CCNL2: variants seen among roughly 807,000 people sequenced by gnomAD.
The protein encoded by CCNL2 is cyclin-L2.
CCNL2 carries 28 observed loss-of-function variants against 59.1 expected under a neutral mutation model. That is an observed-to-expected ratio of 0.47 (90% CI 0.35 to 0.65). The LOEUF is 0.65. CCNL2 is among the 30% of genes least tolerant of loss of function. CCNL2 has a pLI of 0.00. For missense variants in CCNL2, 714 were observed against 717.4 expected (o/e 1.00, Z 0.05); for synonymous variants, 342 against 288.6 (o/e 1.19, Z -1.88).
At chr1:1,396,241 C>A (rs1645014133) in intron 3 of CCNL2, among the ~76,000 whole-genome samples, 1 of 151,530 alleles carries the variant, frequency 6.6e-6, no homozygotes, top group Admixed American at 6.6e-5. Context: ...ACCTGTAACC[C>A]CAGCACTTTG....
rs1644523255 is a variant in CCNL2, at chr1:1,387,585, G to A, written c.1212-3C>T. ...ATGTGGAGCCGCTGTCACTTTTCCT[G>A]GGAGGAAGAACAGCACCACCACACG... is the stretch of plus-strand genomic sequence containing the variant. On this transcript the variant is annotated splice_polypyrimidine_tract_variant and splice_region_variant and intron_variant, in intron 10 of 10. Transcript: ENST00000400809. The A allele has an allele frequency of 6.7e-7, 1 of 1,481,826 alleles. No homozygotes were observed. Among genetic ancestry groups the A allele is most frequent in the Non-Finnish European group, 9.0e-7 (1 of 1,114,866 alleles). The allele number at this position is 1,481,826 out of a possible 1,614,324, so 91.8% of individuals were successfully genotyped here. A position where few individuals can be genotyped will look rare whatever the true frequency, so the allele number is the denominator to read the frequency against.
At chr1:1,395,362 G>A in intron 4 of CCNL2, 32 bp downstream of exon 4, 2 of 1,612,204 alleles carry the variant, frequency 1.2e-6, no homozygotes, top group Admixed American at 1.7e-5. Context: ...AGCGGCCTAG[G>A]CGGGCTCGCA....
In CCNL2 at chr1:1,388,144, G is replaced by T. The variant is rs530177506; in HGVS notation, c.1007-79C>A. The T allele has an allele frequency of 3.4e-6, 4 of 1,168,792 alleles. No homozygotes were observed. The African/African-American group carries it at 6.0e-5, about 18-fold the overall frequency. The allele number at this position is 1,168,792 out of a possible 1,614,324, so 72.4% of individuals were successfully genotyped here. On this transcript the variant is annotated intron_variant, in intron 8 of 10. Coordinates refer to ENST00000400809, the MANE Select transcript of CCNL2 (RefSeq NM_030937.6). ...AAACAAGTTCGTAGAGCGAGATAAG[G>T]CCCCTCTACAGGTCAAACAGCGACG...
intron 5 of CCNL2, chr1:1,392,829 A>G: frequency 6.2e-7 from 1 of 1,610,780 alleles, no homozygotes; most frequent in Non-Finnish European, 8.5e-7. Context: ...TACAGAAAAG[A>G]AAAGTCAAAA....
At chr1:1,396,175 T>C (rs1214794622) in intron 3 of CCNL2, among the ~76,000 whole-genome samples, 1 of 108,484 alleles carries the variant, frequency 9.2e-6, no homozygotes, top group Non-Finnish European at 1.7e-5. Flanking sequence ...TGAGACACAG[T>C]GAGAGTCCGT....
intron 5 of CCNL2, chr1:1,393,129 T>G (rs932711670): frequency 3.4e-6 from 2 of 583,034 alleles, no homozygotes; most frequent in African/African-American, 3.7e-5. Flanking sequence ...AGTCAACAGC[T>G]CCCAGAGGAA....
At chr1:1,398,076 A>AG (rs1221808203) in intron 3 of CCNL2, among the ~76,000 whole-genome samples, 157 bp downstream of exon 3, 2 of 152,230 alleles carry the variant, frequency 1.3e-5, no homozygotes, top group African/African-American at 4.8e-5. Flanking sequence ...GATGCCTCTG[A>AG]GCAGGCTCTG....
chr1:1,392,529 G>A (rs1330157156), intron 5 of CCNL2: 5 of 1,357,752 alleles, frequency 3.7e-6, no homozygotes, highest in Non-Finnish European at 4.7e-6. Context: ...TTATCATACA[G>A]GTACAGCAGT....
rs1418875236 is a variant in CCNL2, at chr1:1,398,667, G to A, written c.293C>T (p.Ala98Val). Reference protein sequence around the residue: ...AGILLRLPQVAMATGQVLFQR... With the variant: ...AGILLRLPQVVMATGQVLFQR... ...GAACAACACCTGCCCGGTAGCCATG[G>A]CCACCTAGAGTAGAAGAAAGTTTCC... The change falls in exon 2 of 11, where the codon GCC becomes GTC. Residue 98 changes from alanine (A) to valine (V), a missense_variant. By Grantham distance (64) the Ala-to-Val change is moderately conservative (BLOSUM62 0). This residue lies in a region of CCNL2 where 270 missense variants were observed against 254.9 expected (regional missense o/e 1.06). Coordinates refer to ENST00000400809, the MANE Select transcript of CCNL2 (RefSeq NM_030937.6). The A allele has an allele frequency of 1.2e-6, 2 of 1,612,884 alleles. No individual in the cohort carries two copies. The highest frequency in any genetic ancestry group is 1.7e-6 in the Non-Finnish European group (2 of 1,179,610).
rs534775954 is a variant in CCNL2, at chr1:1,387,286, C to T, written c.1508G>A (p.Arg503His). The T allele has an allele frequency of 1.9e-5, 30 of 1,612,812 alleles. No individual in the cohort carries two copies. The East Asian group carries it at 4.9e-4, about 26-fold the overall frequency. Reference sequence around the variant, plus strand: ...GTCCCGCTCATAGCGACGGCCTGTGCGTTCATACGACCTCGAGCGCTCTCG... The same window carrying T: ...GTCCCGCTCATAGCGACGGCCTGTGTGTTCATACGACCTCGAGCGCTCTCG... ...QRRERSRSYERTGRRYERDHP... is the reference protein window; with the variant it reads ...QRRERSRSYEHTGRRYERDHP... Residue 503 changes from arginine (R) to histidine (H), a missense_variant, in exon 11 of 11, where the codon CGC (arginine) becomes CAC (histidine). By Grantham distance (29) the Arg-to-His change is conservative (BLOSUM62 0). This residue lies in a region of CCNL2 where 403 missense variants were observed against 377.7 expected (regional missense o/e 1.07). Transcript: ENST00000400809.
intron 5 of CCNL2, chr1:1,392,969 T>C (rs769240589): frequency 5.7e-6 from 4 of 705,278 alleles, no homozygotes; most frequent in African/African-American, 1.8e-5. Context: ...CATTGCACTT[T>C]AGGGTTCCTT....
At chr1:1,388,205 C>A in intron 8 of CCNL2, 140 bp from the exon 9 acceptor site, 1 of 664,566 alleles carries the variant, frequency 1.5e-6, no homozygotes, top group Non-Finnish European at 2.6e-6. Flanking sequence ...CAGCTGGGAC[C>A]CAGAACTTAC....
chr1:1,388,333 C>T (rs781170058), intron 8 of CCNL2: 39 of 450,854 alleles, frequency 8.7e-5, no homozygotes, highest in Non-Finnish European at 1.4e-4. Context: ...CCATCCTGCC[C>T]AACATGGTGA....
Position 1,390,318 on chromosome 1 carries a change from TTCGATA to T in CCNL2, c.912_917del (p.Ile305_Glu306del). 6.2e-7 allele frequency: 1 copy of T among 1,613,996 alleles called. No individual in the cohort carries two copies. Among genetic ancestry groups the T allele is most frequent in the Non-Finnish European group, 8.5e-7 (1 of 1,179,912 alleles). On this transcript the variant is annotated inframe_deletion, in exon 8 of 11. Transcript: ENST00000400809. ...GGCCCCGGGCTTGGGCCTTTGCCTC[TTCGATA>T]GCGTGCTTTCTTTTTTCCACTTCAC...
chr1:1,388,516 T>G (rs1254303852), intron 8 of CCNL2: 2 of 453,820 alleles, frequency 4.4e-6, no homozygotes, highest in East Asian at 1.4e-4. Context: ...AGACTCTGTC[T>G]CAAGAAAAAC....
At chr1:1,390,718 AG>A in intron 6 of CCNL2, 47 bp downstream of exon 6, 1 of 1,563,920 alleles carries the variant, frequency 6.4e-7, no homozygotes, top group South Asian at 1.1e-5. Context: ...TGGAGGCTGG[AG>A]AAAAAAAAAT....
intron 8 of CCNL2, 95 bp downstream of exon 8, chr1:1,390,135 G>T: frequency 2.2e-3 from 1,829 of 826,500 alleles, no homozygotes; most frequent in Non-Finnish European, 3.1e-3. Flanking sequence ...AAAAAAAAAT[G>T]TCTGGAAGGA....
At chr1:1,394,725 G>GGCGATAGAGCGAAA (rs1644922729) in intron 4 of CCNL2, among the ~76,000 whole-genome samples, 1 of 133,188 alleles carries the variant, frequency 7.5e-6, no homozygotes, top group African/African-American at 2.9e-5. Context: ...ACTCCAGCCT[G>GGCGATAGAGCGAAA]CATGACAGAG....
chr1:1,388,488 TCACCTGGCAA>T (rs1644578590), intron 8 of CCNL2: 1 of 454,436 alleles, frequency 2.2e-6, no homozygotes, highest in Non-Finnish European at 4.4e-6. Flanking sequence ...GCCACAGTAC[TCACCTGGCAA>T]CACAGCGAGA....
Sources: allele counts gnomAD v4.1 joint callset (sites outside exome capture counted in the v4.1 genomes callset), GRCh38; gene constraint gnomAD v4.1.1; regional missense constraint gnomAD v4.1.1; transcripts MANE v1.5; gene names NCBI Gene and HGNC (gene_info 2026-07-23, HGNC 2026-07-21).